The following VTA1 variants were observed in gnomAD, a reference collection of about 807,000 sequenced individuals.
VTA1 encodes vesicle trafficking 1, also known as vacuolar protein sorting-associated protein VTA1 homolog.
VTA1 carries 24 observed loss-of-function variants against 36.9 expected under a neutral mutation model. The observed-to-expected ratio is 0.65, with a 90% CI of 0.47 to 0.91. VTA1 has a LOEUF of 0.91. Among genes scored for constraint, VTA1 ranks in the 40% least tolerant of loss-of-function variants. The pLI is 0.00. For missense variants in VTA1, 393 were observed against 377.2 expected, an observed-to-expected ratio of 1.04 and a Z score of -0.35; for synonymous variants, 142 against 130.2, an observed-to-expected ratio of 1.09 and a Z score of -0.62.
intron 1 of VTA1, among the ~76,000 whole-genome samples, chr6:142,159,768 C>A (rs1774759962): frequency 6.6e-6 from 1 of 151,996 alleles, no homozygotes; most frequent in East Asian, 1.9e-4. Context: ...CCACCTCGGC[C>A]TCCCAAAGTG....
chr6:142,182,190 G>A (rs768543839), intron 4 of VTA1, among the ~76,000 whole-genome samples: 2 of 152,186 alleles, frequency 1.3e-5, no homozygotes, highest in Non-Finnish European at 2.9e-5. Context: ...ATTTTTGCAT[G>A]TAATTTGGAG....
intron 1 of VTA1, among the ~76,000 whole-genome samples, chr6:142,152,557 A>C (rs1387691924): frequency 9.2e-5 from 14 of 152,148 alleles, no homozygotes; most frequent in Admixed American, 9.2e-4. Flanking sequence ...TAATACATAA[A>C]TATTTGATTT....
At chr6:142,198,714 C>T (rs1775619554) in intron 6 of VTA1, 99 bp downstream of exon 6, 1 of 1,168,180 alleles carries the variant, frequency 8.6e-7, no homozygotes, top group Non-Finnish European at 1.2e-6. Flanking sequence ...GTCATGAAAA[C>T]ATGACAAGTT....
chr6:142,162,792 A>G (rs1582879036), intron 1 of VTA1, among the ~76,000 whole-genome samples: 1 of 152,208 alleles, frequency 6.6e-6, no homozygotes, highest in Non-Finnish European at 1.5e-5. Context: ...TGCAGAGGGA[A>G]GTTAAAGGGG....
chr6:142,152,163 C>T (rs1237074409), intron 1 of VTA1, among the ~76,000 whole-genome samples: 2 of 151,284 alleles, frequency 1.3e-5, no homozygotes, highest in South Asian at 2.1e-4. Flanking sequence ...TTTTCCCAAT[C>T]CTTTCTGCAT....
chr6:142,166,325 A>G lies in VTA1; in HGVS notation c.207+3A>G. ...AGTTAATGGATCAGTTAGAAGCTGT[A>G]AGTTAACCACTGATCATTTATTTTC... is the stretch of plus-strand genomic sequence containing the variant. On this transcript the variant is annotated splice_donor_region_variant and intron_variant, in intron 2 of 7. Coordinates refer to ENST00000367630, the MANE Select transcript of VTA1 (RefSeq NM_016485.5). 27 of 1,584,692 alleles carry G rather than the reference A, an allele frequency of 1.7e-5. No individual in the cohort carries two copies. Among genetic ancestry groups the G allele is most frequent in the Non-Finnish European group, 2.2e-5 (26 of 1,157,272 alleles).
chr6:142,218,438 C>T, intron 7 of VTA1, 60 bp from the exon 8 acceptor site: 1 of 1,567,530 alleles, frequency 6.4e-7, no homozygotes, highest in South Asian at 1.2e-5. Flanking sequence ...AGCATTTGCC[C>T]AACCTTACAG....
chr6:142,217,627 A>G (rs1404813299), intron 7 of VTA1, among the ~76,000 whole-genome samples: 1 of 151,892 alleles, frequency 6.6e-6, no homozygotes, highest in Non-Finnish European at 1.5e-5. Context: ...AGTCATTCTA[A>G]GTACAGCCTT....
chr6:142,219,874 A>G lies in VTA1; in HGVS notation c.*1231A>G, dbSNP rs1016289554. On this transcript the variant is annotated 3_prime_UTR_variant, in exon 8 of 8. Transcript: ENST00000367630. ...AATAAAGTTTCTTTGAAACAAGCCT[A>G]CACTCATTCATTTATGTTTTGTCTG... is the stretch of plus-strand genomic sequence containing the variant. The G allele has an allele frequency of 2.6e-5, 4 of 152,314 alleles. No individual in the cohort carries two copies. The East Asian group carries it at 7.7e-4, about 29-fold the overall frequency. 9.4% of individuals were successfully genotyped at this position (152,314 alleles called of 1,614,324 possible).
At chr6:142,163,594 C>G (rs2114638907) in intron 1 of VTA1, among the ~76,000 whole-genome samples, 1 of 151,976 alleles carries the variant, frequency 6.6e-6, no homozygotes, top group Non-Finnish European at 1.5e-5. Flanking sequence ...GTGACAACTG[C>G]TTTTAGTTAA....
chr6:142,198,961 T>A (rs1775624343), intron 6 of VTA1, among the ~76,000 whole-genome samples: 1 of 151,896 alleles, frequency 6.6e-6, no homozygotes, highest in Admixed American at 6.6e-5. Context: ...CGGAGGTGAG[T>A]GGAGTTGATA....
intron 4 of VTA1, among the ~76,000 whole-genome samples, chr6:142,176,492 A>G (rs1775127717): frequency 6.6e-6 from 1 of 152,140 alleles, no homozygotes; most frequent in African/African-American, 2.4e-5. Flanking sequence ...ATCTTTCACA[A>G]CTCTGAATTA....
At chr6:142,185,629 G>A (rs1266816124) in intron 4 of VTA1, among the ~76,000 whole-genome samples, 1 of 152,182 alleles carries the variant, frequency 6.6e-6, no homozygotes, top group Non-Finnish European at 1.5e-5. Flanking sequence ...AAAAGTCAGT[G>A]CTTTAGCACA....
At chr6:142,195,496 A>AT (rs924484875) in intron 5 of VTA1, among the ~76,000 whole-genome samples, 1 of 144,794 alleles carries the variant, frequency 6.9e-6, no homozygotes, top group African/African-American at 2.5e-5. Context: ...AGATGTTTTA[A>AT]TTTTTTTTAT....
In VTA1 at chr6:142,154,630, C is replaced by G. The variant is rs529477623; in HGVS notation, c.112+7231C>G. Among the ~76,000 whole-genome samples, 5 of 152,178 alleles carry G rather than the reference C, an allele frequency of 3.3e-5. No homozygotes were observed. The South Asian group carries it at 1.0e-3, about 32-fold the overall frequency. On this transcript the variant is annotated intron_variant, in intron 1 of 7. Transcript: ENST00000367630. ...TAGAGTTTCTCTTCATTCTCACCAGCATTTTGTGTCACTATTTTTAATTAG... is the reference window on the plus strand; with the variant it reads ...TAGAGTTTCTCTTCATTCTCACCAGGATTTTGTGTCACTATTTTTAATTAG...
rs768068711 is a variant in VTA1, at chr6:142,156,566, C to T, written c.112+9167C>T. Among the ~76,000 whole-genome samples, 7 of 152,142 alleles carry T rather than the reference C, an allele frequency of 4.6e-5. No individual in the cohort carries two copies. In the South Asian group the frequency reaches 1.5e-3, roughly 32 times the overall value. On this transcript the variant is annotated intron_variant, in intron 1 of 7. Coordinates refer to ENST00000367630, the MANE Select transcript of VTA1 (RefSeq NM_016485.5). Reference sequence around the variant, plus strand: ...TAGATAAAGCTAAACTCAGAACTTTCCCCTTCCTTTTTCAGTTTGCCGTGA... The same window carrying T: ...TAGATAAAGCTAAACTCAGAACTTTTCCCTTCCTTTTTCAGTTTGCCGTGA...
chr6:142,182,988 G>A (rs988131487), intron 4 of VTA1, among the ~76,000 whole-genome samples: 1 of 152,166 alleles, frequency 6.6e-6, no homozygotes, highest in East Asian at 1.9e-4. Flanking sequence ...GAAGGAGCGC[G>A]CAGCAAGGGA....
intron 6 of VTA1, among the ~76,000 whole-genome samples, chr6:142,203,081 T>C (rs1775721385): frequency 6.6e-6 from 1 of 151,994 alleles, no homozygotes; most frequent in Admixed American, 6.6e-5. Context: ...CTTTAGACCT[T>C]TAGAAAATTT....
At chr6:142,184,676 A>G (rs980577204) in intron 4 of VTA1, among the ~76,000 whole-genome samples, 4 of 152,202 alleles carry the variant, frequency 2.6e-5, no homozygotes, top group Admixed American at 2.0e-4. Flanking sequence ...GAATGCAGGT[A>G]AGACAGGAAT....
Sources: allele counts gnomAD v4.1 joint callset (sites outside exome capture counted in the v4.1 genomes callset), GRCh38; gene constraint gnomAD v4.1.1; transcripts MANE v1.5; gene names NCBI Gene and HGNC (gene_info 2026-07-23, HGNC 2026-07-21).